The following XYLT1 variants were observed in gnomAD, a reference collection of about 807,000 sequenced individuals.
The protein encoded by XYLT1 is xylosyltransferase 1, also known as beta-D-xylosyltransferase 1.
XYLT1 carries 36 observed loss-of-function variants against 91.3 expected under a neutral mutation model. That is an observed-to-expected ratio of 0.39 (90% CI 0.30 to 0.52). XYLT1 has a LOEUF of 0.52. Among genes scored for constraint, XYLT1 ranks in the 20% least tolerant of loss-of-function variants. XYLT1 has a pLI of 0.68. For synonymous variants in XYLT1, 588 were observed against 532.0 expected (o/e 1.11, Z -1.45); for missense variants, 1,242 against 1,284.5 (o/e 0.97, Z 0.51).
At chr16:17,437,039 T>C (rs1224118262) in intron 1 of XYLT1, among the ~76,000 whole-genome samples, 1 of 152,146 alleles carries the variant, frequency 6.6e-6, no homozygotes, top group Admixed American at 6.5e-5. Context: ...CATTAGCTCA[T>C]TGAATCCTCA....
Position 17,379,346 on chromosome 16 carries a change from C to T in XYLT1, c.364-21296G>A, listed in dbSNP as rs539399057. On this transcript the variant is annotated intron_variant, in intron 1 of 11. Coordinates refer to ENST00000261381, the MANE Select transcript of XYLT1 (RefSeq NM_022166.4). ...CTCAGCGCAAATGGCTGATTTCTAA[C>T]TTAATCTCCAACATCTGACAGGCGG... Among the ~76,000 whole-genome samples, 173 of 152,350 alleles carry T rather than the reference C, an allele frequency of 1.1e-3. 2 individuals carry two copies. Among genetic ancestry groups the T allele is most frequent in the African/African-American group, 4.1e-3 (172 of 41,580 alleles).
chr16:17,236,717 T>C (rs1202721576), intron 3 of XYLT1, among the ~76,000 whole-genome samples: 1 of 152,178 alleles, frequency 6.6e-6, no homozygotes, highest in African/African-American at 2.4e-5. Flanking sequence ...GAATTGCCGG[T>C]AATTCATGTT....
chr16:17,311,948 T>A (rs955251725), intron 2 of XYLT1, among the ~76,000 whole-genome samples: 1 of 152,064 alleles, frequency 6.6e-6, no homozygotes, highest in Non-Finnish European at 1.5e-5. Flanking sequence ...GCCCCGATGA[T>A]TCAGTTATCT....
At chr16:17,192,309 G>A (rs2032330941) in intron 5 of XYLT1, among the ~76,000 whole-genome samples, 1 of 151,834 alleles carries the variant, frequency 6.6e-6, no homozygotes, top group African/African-American at 2.4e-5. Context: ...ATATCGGCCA[G>A]GCTGGTCTCA....
At chr16:17,112,158 G>A (rs1442840095) in intron 11 of XYLT1, among the ~76,000 whole-genome samples, 1 of 152,130 alleles carries the variant, frequency 6.6e-6, no homozygotes, top group Non-Finnish European at 1.5e-5. Context: ...GTTAATGTGG[G>A]AAACGCTATT....
intron 1 of XYLT1, among the ~76,000 whole-genome samples, chr16:17,375,713 C>T (rs548067469): frequency 4.6e-4 from 70 of 152,354 alleles, no homozygotes; most frequent in Admixed American, 6.5e-4. Context: ...CCTGGGCCCT[C>T]GTGCCCATCA....
intron 1 of XYLT1, among the ~76,000 whole-genome samples, chr16:17,375,481 A>AACACACACACACACACACACACAC (rs71137985): frequency 0.026 from 3,880 of 147,410 alleles, 64 homozygotes; most frequent in Non-Finnish European, 0.037. Flanking sequence ...TAACATTTAA[A>AACACACACACACACACACACACAC]ACACACACAC....
chr16:17,470,594 C>T lies in XYLT1; in HGVS notation c.203G>A (p.Arg68Gln). The change falls in exon 1 of 12, where the codon CGG becomes CAG. Residue 68 changes from arginine to glutamine, a missense_variant. By Grantham distance (43) the Arg-to-Gln change is conservative. Around this residue, in one of 3 missense-constraint regions of XYLT1, gnomAD observed 437 missense variants for 411.5 expected, o/e 1.06. Coordinates refer to ENST00000261381, the MANE Select transcript of XYLT1 (RefSeq NM_022166.4). The part of the protein sequence containing the change: ...PPAPAPRRER[R>Q]DLPAEPAAAR... ...TGCAGCCGGCTCGGCGGGCAGGTCC[C>T]GGCGCTCCCGGCGCGGGGCCGGGGC... 8.6e-7 allele frequency: 1 copy of T among 1,166,954 alleles called. No individual in the cohort carries two copies. The highest frequency in any genetic ancestry group is 1.1e-6 in the Non-Finnish European group (1 of 947,600). The allele number at this position is 1,166,954 out of a possible 1,614,324, so 72.3% of individuals were successfully genotyped here.
chr16:17,408,520 C>T (rs1003209297), intron 1 of XYLT1, among the ~76,000 whole-genome samples: 4 of 152,194 alleles, frequency 2.6e-5, no homozygotes, highest in African/African-American at 9.7e-5. Context: ...TTGCCTAGCA[C>T]CACAATATCC....
At position 17,302,953 on chromosome 16, in the gene XYLT1, G is replaced by A. The variant is rs180901856; in HGVS notation, c.403-43455C>T. 6.3e-4 allele frequency among the ~76,000 whole-genome samples: 96 copies of A among 152,110 alleles called. 1 individual carries two copies. Among genetic ancestry groups the A allele is most frequent in the Non-Finnish European group, 8.2e-4 (56 of 68,030 alleles). ...CTAGCAAGTGAGCACACATGTGACC[G>A]TGAGCTTAATGCAAGGGGATAAGCT... On this transcript the variant is annotated intron_variant, in intron 2 of 11. Coordinates refer to ENST00000261381, the MANE Select transcript of XYLT1 (RefSeq NM_022166.4).
At chr16:17,185,456 T>A (rs1459512281) in intron 5 of XYLT1, among the ~76,000 whole-genome samples, 3 of 152,118 alleles carry the variant, frequency 2.0e-5, no homozygotes, top group African/African-American at 4.8e-5. Flanking sequence ...TCTCTGAACG[T>A]CCCAAAGAAC....
chr16:17,375,261 C>T (rs989963706), intron 1 of XYLT1, among the ~76,000 whole-genome samples: 6 of 152,052 alleles, frequency 3.9e-5, no homozygotes, highest in Non-Finnish European at 8.8e-5. Flanking sequence ...CTCGCAACAT[C>T]TCTATGAAGT....
In XYLT1 at chr16:17,246,342, C is replaced by T. The variant is rs557490067; in HGVS notation, c.913+12646G>A. Among the ~76,000 whole-genome samples the T allele has an allele frequency of 3.3e-5, 5 of 152,300 alleles. No homozygotes were observed. In the East Asian group the frequency reaches 9.7e-4, roughly 29 times the overall value. On this transcript the variant is annotated intron_variant, in intron 3 of 11. Coordinates refer to ENST00000261381, the MANE Select transcript of XYLT1 (RefSeq NM_022166.4). The stretch of plus-strand genomic sequence containing the variant: ...TAGAGACCTTAGCTCCCTGTTCTTT[C>T]TGGCTGCAGAGATGGAGAGTAACAA...
At chr16:17,469,436 G>T (rs990606466) in intron 1 of XYLT1, among the ~76,000 whole-genome samples, 4 of 152,192 alleles carry the variant, frequency 2.6e-5, no homozygotes, top group African/African-American at 9.7e-5. Flanking sequence ...CTCTGAAATG[G>T]GGACTCCGGC....
chr16:17,320,801 C>T (rs2034707240), intron 2 of XYLT1, among the ~76,000 whole-genome samples: 1 of 123,548 alleles, frequency 8.1e-6, no homozygotes, highest in Non-Finnish European at 1.8e-5. Context: ...AGTTTCTTAA[C>T]CACTCTGTGC....
intron 3 of XYLT1, among the ~76,000 whole-genome samples, chr16:17,226,509 C>T (rs1391438018): frequency 2.0e-5 from 3 of 152,174 alleles, no homozygotes; most frequent in African/African-American, 7.2e-5. Flanking sequence ...ATGTTTCCAG[C>T]AGGCACAGTG....
intron 2 of XYLT1, among the ~76,000 whole-genome samples, chr16:17,343,351 C>T (rs1471228497): frequency 6.6e-6 from 1 of 152,238 alleles, no homozygotes; most frequent in East Asian, 1.9e-4. Flanking sequence ...CACCCAGTGC[C>T]TGCTGCATCA....
chr16:17,256,942 T>C lies in XYLT1; in HGVS notation c.913+2046A>G, dbSNP rs60393890. On this transcript the variant is annotated intron_variant, in intron 3 of 11. Coordinates refer to ENST00000261381, the MANE Select transcript of XYLT1 (RefSeq NM_022166.4). ...CCTCAGTGGATCCCTTCCAGCTGCA[T>C]CTGTTGACCCTGACACCTCCCCAAT... 5.3e-5 allele frequency among the ~76,000 whole-genome samples: 8 copies of C among 152,312 alleles called. No individual in the cohort carries two copies. The East Asian group carries it at 1.5e-3, about 29-fold the overall frequency.
At chr16:17,231,480 C>G (rs930246374) in intron 3 of XYLT1, among the ~76,000 whole-genome samples, 1 of 152,196 alleles carries the variant, frequency 6.6e-6, no homozygotes, top group African/African-American at 2.4e-5. Context: ...GCCTTCATTT[C>G]TCTAAGCCTC....
Sources: allele counts gnomAD v4.1 joint callset (sites outside exome capture counted in the v4.1 genomes callset), GRCh38; gene constraint gnomAD v4.1.1; regional missense constraint gnomAD v4.1.1; transcripts MANE v1.5; gene names NCBI Gene and HGNC (gene_info 2026-07-23, HGNC 2026-07-21).